HCLS1: variants seen among roughly 807,000 people sequenced by gnomAD.
HCLS1 encodes hematopoietic cell-specific Lyn substrate 1.
Under a neutral mutation model 68.6 loss-of-function variants are expected in HCLS1, and 44 were observed. The observed-to-expected ratio is 0.64, with a 90% CI of 0.50 to 0.82. HCLS1 has a LOEUF of 0.82. Ranked by LOEUF, HCLS1 falls within the 40% of genes least tolerant of loss-of-function variation. The pLI is 0.00. For missense variants in HCLS1, 602 were observed against 612.1 expected (o/e 0.98, Z 0.17); for synonymous variants, 217 against 225.8 (o/e 0.96, Z 0.35).
At chr3:121,638,222 T>G (rs2049167437) in intron 6 of HCLS1, among the ~76,000 whole-genome samples, 1 of 152,036 alleles carries the variant, frequency 6.6e-6, no homozygotes, top group Non-Finnish European at 1.5e-5. Flanking sequence ...CCACCATGAC[T>G]TGCTAATTTA....
At chr3:121,644,782 G>T (rs1343492499) in intron 5 of HCLS1, 36 bp downstream of exon 5, 1 of 1,416,240 alleles carries the variant, frequency 7.1e-7, no homozygotes, top group East Asian at 2.3e-5. Flanking sequence ...TCACAGGACT[G>T]GAGGTGGGTG....
chr3:121,647,510 C>T, intron 3 of HCLS1, 62 bp from the exon 4 acceptor site: 1 of 1,583,898 alleles, frequency 6.3e-7, no homozygotes, highest in Non-Finnish European at 8.6e-7. Context: ...CCCATCTTCC[C>T]AGAAAAATGG....
chr3:121,654,871 G>A (rs531697352), intron 3 of HCLS1, among the ~76,000 whole-genome samples: 1 of 152,252 alleles, frequency 6.6e-6, no homozygotes, highest in Non-Finnish European at 1.5e-5. Flanking sequence ...AGATGTTAAA[G>A]ACTGACTTAG....
At chr3:121,643,002 A>G (rs1041789943) in intron 5 of HCLS1, 21 bp from the exon 6 acceptor site, 2 of 1,606,254 alleles carry the variant, frequency 1.2e-6, no homozygotes, top group Admixed American at 1.7e-5. Flanking sequence ...GAGGAGACAG[A>G]ATTGGTTAGA....
At position 121,631,673 on chromosome 3, in the gene HCLS1, A is replaced by C. The variant is rs2049098392; in HGVS notation, c.*173T>G. 7.9e-6 allele frequency: 5 copies of C among 632,420 alleles called. No individual in the cohort carries two copies. The highest frequency in any genetic ancestry group is 3.0e-5 in the Admixed American group (1 of 33,792). The allele number at this position is 632,420 out of a possible 1,614,324, so 39.2% of individuals were successfully genotyped here. A position where few individuals can be genotyped will look rare whatever the true frequency, so the allele number is the denominator to read the frequency against. The stretch of plus-strand genomic sequence containing the variant: ...TCCAGGATAGAGAGGACTCTTGGGG[A>C]AGGGGACCTCCTTCCCCATGCTGTC... On this transcript the variant is annotated 3_prime_UTR_variant, in exon 14 of 14. Transcript: ENST00000314583.
At chr3:121,640,851 G>T (rs1434540875) in intron 6 of HCLS1, among the ~76,000 whole-genome samples, 1 of 142,350 alleles carries the variant, frequency 7.0e-6, no homozygotes, top group African/African-American at 2.6e-5. Flanking sequence ...GCAGGGCAGG[G>T]CAGGGCAGGG....
At chr3:121,646,154 ATATAATATATCTTATAAT>A (rs1370523987) in intron 4 of HCLS1, among the ~76,000 whole-genome samples, 1 of 114,884 alleles carries the variant, frequency 8.7e-6, no homozygotes, top group South Asian at 2.7e-4. Flanking sequence ...ATAAGTATAT[ATATAATATATCTTATAAT>A]TAATATATAA....
At chr3:121,649,840 A>G (rs891994735) in intron 3 of HCLS1, among the ~76,000 whole-genome samples, 5 of 151,952 alleles carry the variant, frequency 3.3e-5, no homozygotes, top group Non-Finnish European at 5.9e-5. Flanking sequence ...TCATTCCTCA[A>G]TCTGTGTTTG....
At chr3:121,646,604 ATATACTTATTATATATTATAT>A (rs1404982175) in intron 4 of HCLS1, among the ~76,000 whole-genome samples, 7 of 112,614 alleles carry the variant, frequency 6.2e-5, no homozygotes, top group African/African-American at 1.1e-4. Context: ...ATATTAATAT[ATATACTTATTATATATTATAT>A]ATTATAAGTA....
chr3:121,653,620 T>C (rs1937797562), intron 3 of HCLS1: 1 of 152,178 alleles, frequency 6.6e-6, no homozygotes, highest in Non-Finnish European at 1.5e-5. Flanking sequence ...ATATTATTAC[T>C]CTCCTCAGCA....
chr3:121,660,412 A>G (rs932529691), intron 1 of HCLS1, among the ~76,000 whole-genome samples: 3 of 152,112 alleles, frequency 2.0e-5, no homozygotes, highest in African/African-American at 2.4e-5. Context: ...ATCAGTGACT[A>G]CTTCCTGATC....
rs2070178 is a variant in HCLS1, at chr3:121,642,940, G to A, written c.441C>T (p.His147=). The A allele has an allele frequency of 0.24, 381,116 of 1,608,954 alleles. 46,600 individuals are homozygous for A. Among genetic ancestry groups the A allele is most frequent in the East Asian group, 0.35 (15,566 of 44,804 alleles). ...CAGTGTCCTTGCCTTTCTGAGATGT[G>A]TGCTTCTCCACTTCTCCTTTATAAT... The part of the protein sequence containing the change: ...GFDYKGEVEK[H]TSQKDYSRGF... Residue 147 remains histidine, a synonymous_variant, in exon 6 of 14, where the codon CAC becomes CAT. Transcript: ENST00000314583.
chr3:121,644,729 A>G (rs1421397079), intron 5 of HCLS1, 89 bp downstream of exon 5: 4 of 915,786 alleles, frequency 4.4e-6, no homozygotes, highest in Admixed American at 1.7e-5. Context: ...GTCTTTCAAC[A>G]AAGAAGCATG....
intron 7 of HCLS1, 100 bp downstream of exon 7, chr3:121,637,046 C>G: frequency 3.8e-6 from 3 of 796,786 alleles, no homozygotes; most frequent in Non-Finnish European, 6.6e-6. Context: ...CTCTGCACAT[C>G]TGCCCCTCTG....
At chr3:121,644,460 C>T (rs562534577) in intron 5 of HCLS1, 197 of 353,358 alleles carry the variant, frequency 5.6e-4, no homozygotes, top group African/African-American at 3.9e-3. Flanking sequence ...TTTTCCTAAA[C>T]GGCATGAGTA....
At chr3:121,656,538 T>C (rs543935064) in intron 3 of HCLS1, among the ~76,000 whole-genome samples, 1 of 152,150 alleles carries the variant, frequency 6.6e-6, no homozygotes, top group South Asian at 2.1e-4. Context: ...GATATGTCTG[T>C]AAGTTCCTTT....
Position 121,632,468 on chromosome 3 carries a change from G to GGGCTCGGGCTCA in HCLS1, c.1103_1104insTGAGCCCGAGCC (p.Pro372_Glu375dup). 2 of 1,613,118 alleles carry GGGCTCGGGCTCA rather than the reference G, an allele frequency of 1.2e-6. No individual in the cohort carries two copies. Among genetic ancestry groups the GGGCTCGGGCTCA allele is most frequent in the East Asian group, 2.2e-5 (1 of 44,784 alleles). ...CATTCTCAGGCTCGGGCTCAGGCTC[G>GGGCTCGGGCTCA]GGCTCAGGCTCAGGCTCTGCTTCGT... On this transcript the variant is annotated inframe_insertion, in exon 12 of 14. Transcript: ENST00000314583.
Position 121,632,536 on chromosome 3 carries a change from G to A in HCLS1, c.1036C>T (p.Pro346Ser), listed in dbSNP as rs1446649785. 3 of 1,613,142 alleles carry A rather than the reference G, an allele frequency of 1.9e-6. No homozygotes were observed. The highest frequency in any genetic ancestry group is 2.7e-5 in the African/African-American group (2 of 74,656). Residue 346 changes from proline (P) to serine (S), a missense_variant, in exon 12 of 14, where the codon CCT (proline) becomes TCT (serine). By Grantham distance (74) the Pro-to-Ser change is moderately conservative. Transcript: ENST00000314583. Reference sequence around the variant, plus strand: ...ACCTGGAGGCCTTCCAGAGTCCTAGGGGGCAGAGCTGGGGGCTCCTCATTG... The same window carrying A: ...ACCTGGAGGCCTTCCAGAGTCCTAGAGGGCAGAGCTGGGGGCTCCTCATTG... ...EDNEEPPALP[P>S]RTLEGLQVEE...
intron 6 of HCLS1, among the ~76,000 whole-genome samples, chr3:121,641,874 G>A (rs12629986): frequency 0.47 from 71,084 of 151,466 alleles, 17,160 homozygotes; most frequent in East Asian, 0.54. Flanking sequence ...GAGGTCAGAA[G>A]ATCGAGACCA....
Sources: gnomAD v4.1 joint callset for allele counts (sites outside exome capture counted in the v4.1 genomes callset) on GRCh38, gnomAD v4.1.1 for gene constraint, MANE v1.5 for transcripts, NCBI Gene and HGNC (gene_info 2026-07-23, HGNC 2026-07-21) for gene names.